The following ZC3H13 variants were observed in gnomAD, a reference collection of about 807,000 sequenced individuals.
The protein encoded by ZC3H13 is zinc finger CCCH domain-containing protein 13.
Under a neutral mutation model 204.1 loss-of-function variants are expected in ZC3H13, and 64 were observed. The observed-to-expected ratio is 0.31, with a 90% CI of 0.26 to 0.39. The LOEUF is 0.39. Ranked by LOEUF, ZC3H13 falls within the 10% of genes least tolerant of loss-of-function variation. The probability of loss-of-function intolerance (pLI) is 1.00; values close to 1 mark genes in which losing one functional copy is unlikely to be tolerated. For missense variants in ZC3H13, 1,833 were observed against 2,082.7 expected (o/e 0.88, Z 2.33); for synonymous variants, 667 against 693.7 (o/e 0.96, Z 0.60).
At chr13:45,981,765 A>G (rs1953636261) in intron 10 of ZC3H13, among the ~76,000 whole-genome samples, 1 of 151,902 alleles carries the variant, frequency 6.6e-6, no homozygotes, top group Non-Finnish European at 1.5e-5. Flanking sequence ...AACTATCGCA[A>G]GAACAAAAAA....
At chr13:46,043,077 C>T (rs17647077) in intron 3 of ZC3H13, among the ~76,000 whole-genome samples, 2,249 of 151,948 alleles carry the variant, frequency 0.015, 19 homozygotes, top group South Asian at 0.053. Context: ...AGATGGAAAA[C>T]AGACTGCCTT....
chr13:46,006,084 C>T (rs9534278), intron 7 of ZC3H13, among the ~76,000 whole-genome samples: 2,866 of 145,208 alleles, frequency 0.02, 63 homozygotes, highest in South Asian at 0.054. Context: ...GACTCTGTCC[C>T]AAAAAAAAAA....
intron 5 of ZC3H13, among the ~76,000 whole-genome samples, chr13:46,013,394 C>T (rs1253408183): frequency 1.3e-5 from 2 of 148,614 alleles, no homozygotes; most frequent in East Asian, 2.0e-4. Context: ...AGCCTGACAA[C>T]AGAGCAAGAC....
chr13:46,008,527 A>G (rs367975118), intron 7 of ZC3H13, among the ~76,000 whole-genome samples: 1 of 152,176 alleles, frequency 6.6e-6, no homozygotes, highest in East Asian at 1.9e-4. Flanking sequence ...TGTGTTACTA[A>G]TAAAGAAGCA....
In ZC3H13 at chr13:45,975,733, T is replaced by C; in HGVS notation, c.2018A>G (p.Asp673Gly). ...CCGATCTCTCTCTCTAGCCCTTTCA[T>C]CTCTCCTATCATCCACTCTGTCTAC... ...RRVDRVDDRR[D>G]ERARERDRER... Residue 673 changes from aspartate (D) to glycine (G), a missense_variant, in exon 12 of 19, where the codon GAT (aspartate) becomes GGT (glycine). Coordinates refer to ENST00000679008, the MANE Select transcript of ZC3H13 (RefSeq NM_001330564.2). The C allele has an allele frequency of 6.2e-7, 1 of 1,613,898 alleles. No homozygotes were observed. The highest frequency in any genetic ancestry group is 8.5e-7 in the Non-Finnish European group (1 of 1,179,890).
At chr13:46,036,150 G>GAA (rs5803325) in intron 4 of ZC3H13, among the ~76,000 whole-genome samples, 1 of 138,932 alleles carries the variant, frequency 7.2e-6, no homozygotes, top group Non-Finnish European at 1.6e-5. Context: ...TCCGTGTCAA[G>GAA]AAAAAAAAAA....
intron 4 of ZC3H13, among the ~76,000 whole-genome samples, chr13:46,034,985 A>G (rs1338390553): frequency 6.6e-6 from 1 of 152,182 alleles, no homozygotes; most frequent in East Asian, 1.9e-4. Context: ...AAAAGAAACA[A>G]TACCCCACTA....
At chr13:46,025,119 C>T (rs1213337697) in intron 4 of ZC3H13, among the ~76,000 whole-genome samples, 1 of 151,892 alleles carries the variant, frequency 6.6e-6, no homozygotes, top group Non-Finnish European at 1.5e-5. Context: ...TCACCTGCTA[C>T]TAATATTCAC....
chr13:46,048,474 G>C (rs1387153544), intron 1 of ZC3H13, among the ~76,000 whole-genome samples: 2 of 151,618 alleles, frequency 1.3e-5, no homozygotes, highest in Admixed American at 1.3e-4. Context: ...CCAGCTACTC[G>C]GGAGGCTGAG....
chr13:45,965,619 GTTAAA>G (rs1952017113), intron 15 of ZC3H13, among the ~76,000 whole-genome samples, 187 bp from the exon 16 acceptor site: 2 of 152,044 alleles, frequency 1.3e-5, no homozygotes, highest in Non-Finnish European at 1.5e-5. Flanking sequence ...AATTTAATTA[GTTAAA>G]TTAAACTTTA....
chr13:46,013,910 CAGGTAA>C lies in ZC3H13; in HGVS notation c.449-2362_449-2357del, dbSNP rs559338408. On this transcript the variant is annotated intron_variant, in intron 5 of 18. Transcript: ENST00000679008. Reference sequence around the variant, plus strand: ...AAAGAATTCTTACTAATTAACAGAACAGGTAAAGGACATTACAAGGCAATTCACAAA... The same window carrying C: ...AAAGAATTCTTACTAATTAACAGAACAGGACATTACAAGGCAATTCACAAA... 4.1e-3 allele frequency among the ~76,000 whole-genome samples: 625 copies of C among 152,046 alleles called. 3 individuals are homozygous for C. Among genetic ancestry groups the C allele is most frequent in the Admixed American group, 5.1e-3 (78 of 15,276 alleles).
intron 5 of ZC3H13, among the ~76,000 whole-genome samples, chr13:46,015,769 T>C (rs902972875): frequency 6.6e-6 from 1 of 152,044 alleles, no homozygotes; most frequent in African/African-American, 2.4e-5. Flanking sequence ...CTGAAGGCAA[T>C]GGGAAATTAG....
chr13:46,044,020 C>T (rs372401782), intron 3 of ZC3H13, among the ~76,000 whole-genome samples: 3 of 151,792 alleles, frequency 2.0e-5, no homozygotes, highest in Non-Finnish European at 4.4e-5. Flanking sequence ...AAATGACAAT[C>T]TAAATACAAA....
At chr13:46,027,296 G>C (rs965577733) in intron 4 of ZC3H13, among the ~76,000 whole-genome samples, 1 of 152,014 alleles carries the variant, frequency 6.6e-6, no homozygotes, top group African/African-American at 2.4e-5. Context: ...GTAGAGATGG[G>C]AGTTTTGCCA....
intron 17 of ZC3H13, chr13:45,962,091 T>C (rs1951732939): frequency 1.1e-5 from 9 of 825,260 alleles, no homozygotes; most frequent in Non-Finnish European, 1.2e-5. Flanking sequence ...AATTATTTCA[T>C]AAATATTTAC....
At chr13:46,034,010 A>G (rs2043058460) in intron 4 of ZC3H13, among the ~76,000 whole-genome samples, 1 of 152,182 alleles carries the variant, frequency 6.6e-6, no homozygotes, top group South Asian at 2.1e-4. Flanking sequence ...CAAATAAACA[A>G]TTAGCCAATA....
chr13:46,003,365 G>A lies in ZC3H13; in HGVS notation c.747-29C>T, dbSNP rs1234361068. 5 of 1,579,498 alleles carry A rather than the reference G, an allele frequency of 3.2e-6. No individual in the cohort carries two copies. In the South Asian group the frequency reaches 4.7e-5, roughly 15 times the overall value. On this transcript the variant is annotated intron_variant, in intron 7 of 18. Coordinates refer to ENST00000679008, the MANE Select transcript of ZC3H13 (RefSeq NM_001330564.2). ...AAGGTAACAAAAAGCTATCATTAGAGGTTCAAATATGCCAAAAGGATATTT... is the reference window on the plus strand; with the variant it reads ...AAGGTAACAAAAAGCTATCATTAGAAGTTCAAATATGCCAAAAGGATATTT...
At chr13:46,040,105 CA>C (rs375458969) in intron 4 of ZC3H13, among the ~76,000 whole-genome samples, 12 of 152,204 alleles carry the variant, frequency 7.9e-5, no homozygotes, top group African/African-American at 2.6e-4. Flanking sequence ...GATCTTCCCT[CA>C]AAAGGAATGT....
chr13:46,045,552 T>C, intron 1 of ZC3H13, 36 bp from the exon 2 acceptor site: 1 of 1,458,298 alleles, frequency 6.9e-7, no homozygotes, highest in Non-Finnish European at 9.6e-7. Context: ...AACTGTAAAA[T>C]TCCTCAGTTT....
Sources: allele counts gnomAD v4.1 joint callset (sites outside exome capture counted in the v4.1 genomes callset), GRCh38; gene constraint gnomAD v4.1.1; transcripts MANE v1.5; gene names NCBI Gene and HGNC (gene_info 2026-07-23, HGNC 2026-07-21).